Variants in DRD2 observed in about 807,000 individuals in gnomAD.
The protein encoded by DRD2 is dopamine receptor D2.
A neutral mutation model predicts 38.0 loss-of-function variants in DRD2; 8 were observed. That is an observed-to-expected ratio of 0.21 (90% CI 0.12 to 0.38). DRD2 has a LOEUF of 0.38. DRD2 is among the 10% of genes least tolerant of loss of function. The pLI is 1.00. For synonymous variants in DRD2, 230 were observed against 238.6 expected (o/e 0.96, Z 0.33); for missense variants, 403 against 607.7 (o/e 0.66, Z 3.54).
At chr11:113,417,086 C>T (rs1950834956) in intron 3 of DRD2, 87 bp from the exon 4 acceptor site, 4 of 1,538,576 alleles carry the variant, frequency 2.6e-6, no homozygotes, top group Admixed American at 1.9e-5. Context: ...CACCCTCACT[C>T]CTTGGGGCTA....
chr11:113,454,213 A>G (rs1423745730), intron 1 of DRD2, among the ~76,000 whole-genome samples: 1 of 152,152 alleles, frequency 6.6e-6, no homozygotes, highest in East Asian at 1.9e-4. Context: ...ACCAGCGGAC[A>G]CTATATGGTC....
intron 1 of DRD2, among the ~76,000 whole-genome samples, chr11:113,449,768 TCAGA>T (rs1951192630): frequency 6.6e-6 from 1 of 152,062 alleles, no homozygotes; most frequent in Non-Finnish European, 1.5e-5. Context: ...GTGGATATAC[TCAGA>T]CAAGCCGGAT....
intron 1 of DRD2, among the ~76,000 whole-genome samples, chr11:113,465,375 A>G (rs1951358200): frequency 2.6e-5 from 4 of 152,036 alleles, no homozygotes; most frequent in South Asian, 4.2e-4. Flanking sequence ...GATTACAGGC[A>G]TGAGCCACCA....
At chr11:113,464,259 C>A (rs1168318169) in intron 1 of DRD2, among the ~76,000 whole-genome samples, 2 of 152,104 alleles carry the variant, frequency 1.3e-5, no homozygotes, top group Non-Finnish European at 2.9e-5. Flanking sequence ...GCGGCAGCAG[C>A]CCCTCCCCTC....
At chr11:113,428,917 G>C (rs2471854) in intron 1 of DRD2, among the ~76,000 whole-genome samples, 28,310 of 152,100 alleles carry the variant, frequency 0.19, 3,033 homozygotes, top group East Asian at 0.42. Flanking sequence ...ACTAGTCTAG[G>C]ATTTAAAATT....
In DRD2 at chr11:113,410,758, C is replaced by T. The variant is rs1195929717; in HGVS notation, c.1301G>A (p.Arg434His). The change falls in exon 8 of 8, where the codon CGC (arginine) becomes CAC (histidine). Residue 434 changes from arginine (R) to histidine (H), a missense_variant. Physicochemically the swap from Arg to His is conservative, Grantham distance 29 (BLOSUM62 0). Transcript: ENST00000362072. Reference protein sequence around the residue: ...IIYTTFNIEFRKAFLKILHC With the variant: ...IIYTTFNIEFHKAFLKILHC ...GTGGAGGATCTTCAGGAAGGCCTTG[C>T]GGAACTCAATGTTGAAGGTGGTGTA... The T allele has an allele frequency of 2.5e-6, 4 of 1,614,170 alleles. No homozygotes were observed. The highest frequency in any genetic ancestry group is 1.7e-5 in the Admixed American group (1 of 60,032).
At chr11:113,432,903 A>G (rs1163900629) in intron 1 of DRD2, among the ~76,000 whole-genome samples, 3 of 152,246 alleles carry the variant, frequency 2.0e-5, no homozygotes, top group Admixed American at 2.0e-4. Context: ...GGAGAGAGTT[A>G]CTGAATAACA....
chr11:113,440,228 G>T (rs563998246), intron 1 of DRD2, among the ~76,000 whole-genome samples: 1 of 152,194 alleles, frequency 6.6e-6, no homozygotes, highest in Non-Finnish European at 1.5e-5. Flanking sequence ...TGCATACATA[G>T]AAAGTCCCAC....
At chr11:113,418,263 C>T in intron 2 of DRD2, 127 bp from the exon 3 acceptor site, 1 of 770,214 alleles carries the variant, frequency 1.3e-6, no homozygotes, top group Non-Finnish European at 2.3e-6. Context: ...TGTGGGCATC[C>T]AGCTGGGGTG....
At chr11:113,423,219 G>C (rs1310515477) in intron 2 of DRD2, among the ~76,000 whole-genome samples, 2 of 152,182 alleles carry the variant, frequency 1.3e-5, no homozygotes, top group Non-Finnish European at 2.9e-5. Context: ...TGTGACCTGG[G>C]TGAAGAAAGG....
chr11:113,444,721 C>T (rs771878494), intron 1 of DRD2, among the ~76,000 whole-genome samples: 2 of 152,180 alleles, frequency 1.3e-5, no homozygotes, highest in Non-Finnish European at 1.5e-5. Flanking sequence ...ATATGCAGTG[C>T]TGATTAGGGA....
At chr11:113,443,030 G>A (rs1015033183) in intron 1 of DRD2, among the ~76,000 whole-genome samples, 4 of 152,246 alleles carry the variant, frequency 2.6e-5, no homozygotes, top group Admixed American at 2.6e-4. Context: ...TCCCCTTCAC[G>A]ACCAATGCTG....
chr11:113,473,716 A>G (rs1289025730), intron 1 of DRD2, among the ~76,000 whole-genome samples: 1 of 152,224 alleles, frequency 6.6e-6, no homozygotes, highest in African/African-American at 2.4e-5. Flanking sequence ...ACTGAAACCC[A>G]GGAAAGCAGC....
chr11:113,458,733 A>G (rs1281795981), intron 1 of DRD2, among the ~76,000 whole-genome samples: 1 of 152,228 alleles, frequency 6.6e-6, no homozygotes, highest in Non-Finnish European at 1.5e-5. Flanking sequence ...TGTGGACTAT[A>G]CTTCTATATT....
rs201137518 is a variant in DRD2, at chr11:113,424,461, G to A, written c.191C>T (p.Ala64Val). The A allele has an allele frequency of 7.4e-5, 119 of 1,614,246 alleles. 1 individual carries two copies. In the East Asian group the frequency reaches 7.6e-4, roughly 10 times the overall value. Residue 64 changes from alanine to valine, a missense_variant, in exon 2 of 8, where the codon GCG (alanine) becomes GTG (valine). Around this residue, in one of 4 missense-constraint regions of DRD2, gnomAD observed 162 missense variants for 254.5 expected, o/e 0.64. Transcript: ENST00000362072. ...CAGGTAGTTGGTGGTGGTCTGCAGC[G>A]CCTTCTCGCGGGACACAGCCATGCA... ...LVCMAVSREKALQTTTNYLIV... is the reference protein window; with the variant it reads ...LVCMAVSREKVLQTTTNYLIV...
chr11:113,456,563 A>T (rs1951269959), intron 1 of DRD2, among the ~76,000 whole-genome samples: 1 of 152,202 alleles, frequency 6.6e-6, no homozygotes, highest in South Asian at 2.1e-4. Context: ...ATAAAAATAC[A>T]ATTTTTTTTA....
chr11:113,435,330 TG>T (rs57125489), intron 1 of DRD2, among the ~76,000 whole-genome samples: 118,374 of 127,274 alleles, frequency 0.93, 54,838 homozygotes, highest in East Asian at 0.98. Flanking sequence ...TGACTCAGTG[TG>T]GGGGGGGGTG....
chr11:113,414,850 G>A (rs1023053510), intron 5 of DRD2, among the ~76,000 whole-genome samples: 4 of 152,218 alleles, frequency 2.6e-5, no homozygotes, highest in Admixed American at 6.5e-5. Flanking sequence ...AAAAGTGTCA[G>A]TGACAGGATC....
At chr11:113,458,401 A>G (rs1951287098) in intron 1 of DRD2, among the ~76,000 whole-genome samples, 1 of 152,240 alleles carries the variant, frequency 6.6e-6, no homozygotes, top group South Asian at 2.1e-4. Flanking sequence ...CCAGAAAAAA[A>G]AAAATGAGAG....
Sources: gnomAD v4.1 joint callset for allele counts (sites outside exome capture counted in the v4.1 genomes callset) on GRCh38, gnomAD v4.1.1 for gene constraint, gnomAD v4.1.1 regional missense constraint, MANE v1.5 for transcripts, NCBI Gene and HGNC (gene_info 2026-07-23, HGNC 2026-07-21) for gene names.